The following GNAL variants were observed in gnomAD, a reference collection of about 807,000 sequenced individuals.
The protein encoded by GNAL is guanine nucleotide-binding protein G(olf) subunit alpha.
GNAL carries 18 observed loss-of-function variants against 55.1 expected under a neutral mutation model. The observed-to-expected ratio is 0.33, with a 90% CI of 0.23 to 0.48. The LOEUF (loss-of-function observed/expected upper bound fraction) is 0.48, where lower values mean the gene tolerates loss of function less well. GNAL is among the 20% of genes least tolerant of loss of function. The pLI is 0.99. For missense variants in GNAL, 412 were observed against 614.1 expected, an observed-to-expected ratio of 0.67 and a Z score of 3.48; for synonymous variants, 253 against 237.0, an observed-to-expected ratio of 1.07 and a Z score of -0.62.
rs369020065 is a variant in GNAL at position 11,723,261 on chromosome 18, G to T, written c.377-29592G>T. Among the ~76,000 whole-genome samples the T allele has an allele frequency of 2.9e-4, 44 of 152,352 alleles. 1 individual carries two copies. The East Asian group carries it at 4.8e-3, about 17-fold the overall frequency. ...AAGGCCACAATACATAAATGGAGGA[G>T]TGTGGCTGTGTTCCAATAAAACTTT... On this transcript the variant is annotated intron_variant, in intron 1 of 11. Transcript: ENST00000334049.
At chr18:11,693,836 G>A (rs1297954503) in intron 1 of GNAL, among the ~76,000 whole-genome samples, 1 of 143,362 alleles carries the variant, frequency 7.0e-6, no homozygotes, top group African/African-American at 2.7e-5. Context: ...GGGCAACATA[G>A]TAAGACTATG....
At chr18:11,860,591 A>G (rs1196163730) in intron 5 of GNAL, among the ~76,000 whole-genome samples, 1 of 152,222 alleles carries the variant, frequency 6.6e-6, no homozygotes, top group East Asian at 1.9e-4. Flanking sequence ...ATGAAGACCC[A>G]AAGAAGCTGT....
chr18:11,724,259 T>TA (rs1228824039), intron 1 of GNAL, among the ~76,000 whole-genome samples: 2 of 152,118 alleles, frequency 1.3e-5, no homozygotes, highest in Non-Finnish European at 2.9e-5. Flanking sequence ...TCAGGAAACT[T>TA]ACGGGGGCAG....
chr18:11,866,407 G>GA (rs2143858372), intron 7 of GNAL, among the ~76,000 whole-genome samples: 1 of 150,464 alleles, frequency 6.6e-6, no homozygotes, highest in Non-Finnish European at 1.5e-5. Flanking sequence ...TCAGAGGCAG[G>GA]GAAGCCTGCG....
intron 9 of GNAL, among the ~76,000 whole-genome samples, chr18:11,871,171 G>A (rs1329558615): frequency 6.6e-6 from 1 of 151,574 alleles, no homozygotes; most frequent in Admixed American, 6.6e-5. Context: ...TTTTACAAAG[G>A]TTATATATTT....
At chr18:11,836,430 G>A (rs2035499596) in intron 5 of GNAL, among the ~76,000 whole-genome samples, 1 of 151,994 alleles carries the variant, frequency 6.6e-6, no homozygotes, top group African/African-American at 2.4e-5. Flanking sequence ...TGGGCAACAA[G>A]AGCAAAACTC....
chr18:11,859,344 C>T (rs8088012), intron 5 of GNAL, among the ~76,000 whole-genome samples: 1,685 of 152,326 alleles, frequency 0.011, 39 homozygotes, highest in African/African-American at 0.039. Flanking sequence ...CTTCTCCTAC[C>T]TTCTCATGGA....
chr18:11,865,087 C>CCTAGGCTGCTGTCTGCTTG (rs369940656), intron 7 of GNAL, among the ~76,000 whole-genome samples: 1 of 150,954 alleles, frequency 6.6e-6, no homozygotes, highest in African/African-American at 2.5e-5. Flanking sequence ...CCTGCTCCAT[C>CCTAGGCTGCTGTCTGCTTG]ACTTCCCCCG....
chr18:11,790,651 CTTTTTTTTTCTT>C (rs1370569682), intron 4 of GNAL, among the ~76,000 whole-genome samples: 2 of 83,358 alleles, frequency 2.4e-5, no homozygotes, highest in Non-Finnish European at 4.4e-5. Flanking sequence ...CTTTTCTTTT[CTTTTTTTTTCTT>C]TTTTTTTTTT....
At chr18:11,695,218 C>T (rs1364733685) in intron 1 of GNAL, among the ~76,000 whole-genome samples, 1 of 152,176 alleles carries the variant, frequency 6.6e-6, no homozygotes, top group Non-Finnish European at 1.5e-5. Context: ...GCCAGGTCTT[C>T]GGAATTTCTG....
intron 11 of GNAL, among the ~76,000 whole-genome samples, chr18:11,880,473 G>C (rs755305390): frequency 3.3e-5 from 5 of 151,906 alleles, no homozygotes; most frequent in Non-Finnish European, 7.4e-5. Context: ...CACTTGAGAG[G>C]CTGAGGCAGG....
chr18:11,803,821 A>T (rs1208505616), intron 4 of GNAL, among the ~76,000 whole-genome samples: 1 of 149,314 alleles, frequency 6.7e-6, no homozygotes, highest in East Asian at 2.0e-4. Flanking sequence ...TGCAGTTTGG[A>T]TGGAACACGG....
At chr18:11,855,256 G>A (rs2035978817) in intron 5 of GNAL, among the ~76,000 whole-genome samples, 1 of 151,834 alleles carries the variant, frequency 6.6e-6, no homozygotes, top group Non-Finnish European at 1.5e-5. Flanking sequence ...CTTCTTCACT[G>A]TAATTGTTTC....
chr18:11,872,010 T>G (rs1238253800), intron 9 of GNAL, among the ~76,000 whole-genome samples: 2 of 152,248 alleles, frequency 1.3e-5, no homozygotes, highest in Admixed American at 6.5e-5. Context: ...CCTTCGAGCA[T>G]CATGTCAGTG....
At chr18:11,803,734 G>A (rs112245419) in intron 4 of GNAL, among the ~76,000 whole-genome samples, 2 of 120,780 alleles carry the variant, frequency 1.7e-5, no homozygotes, top group African/African-American at 3.4e-5. Flanking sequence ...GATGGAACAC[G>A]GAGATACTGT....
rs553284803 is a variant in GNAL at position 11,692,706 on chromosome 18, C to G, written c.376+2767C>G. On this transcript the variant is annotated intron_variant, in intron 1 of 11. Transcript: ENST00000334049. Reference sequence around the variant, plus strand: ...CTGGGGCTGGTGGATCACTTGATCTCAGGAGTTCAAGACCAGCCTGGGTAG... The same window carrying G: ...CTGGGGCTGGTGGATCACTTGATCTGAGGAGTTCAAGACCAGCCTGGGTAG... Among the ~76,000 whole-genome samples, 12 of 149,930 alleles carry G rather than the reference C, an allele frequency of 8.0e-5. No individual in the cohort carries two copies. In the South Asian group the frequency reaches 2.5e-3, roughly 31 times the overall value.
At chr18:11,804,643 G>A (rs1225643845) in intron 4 of GNAL, among the ~76,000 whole-genome samples, 4 of 81,302 alleles carry the variant, frequency 4.9e-5, no homozygotes, top group Non-Finnish European at 6.8e-5. Context: ...ATGGAACACG[G>A]AGATACTGTG....
At position 11,885,516 on chromosome 18, in the gene GNAL, G is replaced by A. The variant is rs2037074829; in HGVS notation, c.*4381G>A. 1.2e-6 allele frequency: 1 copy of A among 813,020 alleles called. No homozygotes were observed. The allele number at this position is 813,020 out of a possible 1,614,324, so 50.4% of individuals were successfully genotyped here. Reference sequence around the variant, plus strand: ...GTCATGCTGATTGGTTCCCGGAAGGGTGTTTGGCAAGGGGCAGTGTATGGA... The same window carrying A: ...GTCATGCTGATTGGTTCCCGGAAGGATGTTTGGCAAGGGGCAGTGTATGGA... On this transcript the variant is annotated 3_prime_UTR_variant, in exon 12 of 12. Coordinates refer to ENST00000334049, the MANE Select transcript of GNAL (RefSeq NM_182978.4).
intron 1 of GNAL, among the ~76,000 whole-genome samples, chr18:11,743,039 C>T (rs774828025): frequency 2.0e-5 from 3 of 152,178 alleles, no homozygotes; most frequent in East Asian, 3.8e-4. Flanking sequence ...TGTGTGGACA[C>T]GAAATTGGAC....
Sources: allele counts gnomAD v4.1 joint callset (sites outside exome capture counted in the v4.1 genomes callset), GRCh38; gene constraint gnomAD v4.1.1; transcripts MANE v1.5; gene names NCBI Gene and HGNC (gene_info 2026-07-23, HGNC 2026-07-21).